LPAR1: variants seen among roughly 807,000 people sequenced by gnomAD.
The protein encoded by LPAR1 is lysophosphatidic acid receptor 1, also known as LPA receptor 1.
In LPAR1, 5 loss-of-function variants were observed where a neutral mutation model predicts 23.8. That is an observed-to-expected ratio of 0.21 (90% CI 0.11 to 0.44). The LOEUF (loss-of-function observed/expected upper bound fraction) is 0.44. Among genes scored for constraint, LPAR1 ranks in the 20% least tolerant of loss-of-function variants. The pLI is 0.99. For missense variants in LPAR1, 311 were observed against 482.8 expected (o/e 0.64, Z 3.33); for synonymous variants, 160 against 164.7 (o/e 0.97, Z 0.22).
In LPAR1 at chr9:110,889,158, G is replaced by A. The variant is rs531661857; in HGVS notation, c.794-13436C>T. 2.6e-5 allele frequency among the ~76,000 whole-genome samples: 4 copies of A among 152,234 alleles called. No homozygotes were observed. In the South Asian group the frequency reaches 8.3e-4, roughly 32 times the overall value. On this transcript the variant is annotated intron_variant, in intron 5 of 5. Transcript: ENST00000683809. ...GGGCAGATCACGAGGTCAGGAGATC[G>A]AGACCATCCTGGCTAACAAGGTGAA...
intron 4 of LPAR1, among the ~76,000 whole-genome samples, chr9:110,953,753 C>T (rs761745291): frequency 6.6e-6 from 1 of 151,858 alleles, no homozygotes; most frequent in Non-Finnish European, 1.5e-5. Context: ...TACTCAGAAT[C>T]AAAGCCAAAG....
chr9:111,016,292 A>G (rs16915663), intron 2 of LPAR1, among the ~76,000 whole-genome samples: 17,180 of 152,236 alleles, frequency 0.11, 1,441 homozygotes, highest in African/African-American at 0.24. Context: ...CCAACCAGGT[A>G]TCATAAATAC....
At chr9:110,964,347 A>G (rs768793008) in intron 4 of LPAR1, among the ~76,000 whole-genome samples, 5 of 152,226 alleles carry the variant, frequency 3.3e-5, no homozygotes, top group Non-Finnish European at 5.9e-5. Flanking sequence ...AAAGCAACTG[A>G]AGAAACCTGA....
intron 5 of LPAR1, among the ~76,000 whole-genome samples, chr9:110,876,961 A>G (rs1043720726): frequency 3.9e-5 from 6 of 152,212 alleles, no homozygotes; most frequent in African/African-American, 1.4e-4. Flanking sequence ...GGTGGGCACC[A>G]CTGTGTCCCA....
At chr9:110,964,122 T>C (rs2137561884) in intron 4 of LPAR1, among the ~76,000 whole-genome samples, 1 of 152,334 alleles carries the variant, frequency 6.6e-6, no homozygotes. Flanking sequence ...TCTGAAGCCT[T>C]CTGTGTGTCT....
chr9:110,953,200 T>A (rs533684048), intron 4 of LPAR1, among the ~76,000 whole-genome samples: 8 of 152,038 alleles, frequency 5.3e-5, no homozygotes, highest in Non-Finnish European at 1.0e-4. Flanking sequence ...GGCTCAAGAA[T>A]CAGCCTGCCT....
chr9:110,899,368 C>T (rs554735090), intron 5 of LPAR1, among the ~76,000 whole-genome samples: 1 of 152,178 alleles, frequency 6.6e-6, no homozygotes, highest in East Asian at 1.9e-4. Flanking sequence ...GAAGTTCATT[C>T]GATCCATAAA....
chr9:111,023,517 T>G (rs1007579525), intron 2 of LPAR1, among the ~76,000 whole-genome samples: 9 of 143,912 alleles, frequency 6.3e-5, no homozygotes, highest in South Asian at 2.1e-4. Flanking sequence ...CATTTGGATG[T>G]TTTTTTTTTT....
chr9:110,986,782 G>A (rs1424045938), intron 2 of LPAR1, among the ~76,000 whole-genome samples: 1 of 151,032 alleles, frequency 6.6e-6, no homozygotes, highest in East Asian at 1.9e-4. Context: ...ACAGCAGAGA[G>A]TTCTCTTAAC....
chr9:111,030,780 G>C (rs943086264), intron 2 of LPAR1, among the ~76,000 whole-genome samples: 2 of 152,126 alleles, frequency 1.3e-5, no homozygotes, highest in African/African-American at 4.8e-5. Flanking sequence ...GTGATGTCAT[G>C]CTGCACATGC....
intron 2 of LPAR1, among the ~76,000 whole-genome samples, chr9:110,992,990 A>G (rs2139754530): frequency 6.6e-6 from 1 of 152,328 alleles, no homozygotes; most frequent in Middle Eastern, 3.4e-3. Context: ...TATGTTATCA[A>G]TGAAAAAATT....
At chr9:110,966,627 AATTC>A in intron 4 of LPAR1, among the ~76,000 whole-genome samples, 1 of 152,136 alleles carries the variant, frequency 6.6e-6, no homozygotes, top group African/African-American at 2.4e-5. Flanking sequence ...AAATAATTTA[AATTC>A]AAATAAATAT....
intron 5 of LPAR1, among the ~76,000 whole-genome samples, chr9:110,896,954 A>C (rs1007928891): frequency 1.3e-5 from 2 of 151,722 alleles, no homozygotes; most frequent in African/African-American, 4.8e-5. Context: ...CGCCTGGCTA[A>C]TTTTTTGTAT....
chr9:110,944,061 G>T (rs1258300667), intron 4 of LPAR1, among the ~76,000 whole-genome samples: 4 of 152,056 alleles, frequency 2.6e-5, no homozygotes, highest in Admixed American at 2.6e-4. Context: ...TTAATGTGCT[G>T]TGCTCTCTCT....
Position 110,909,122 on chromosome 9 carries a change from T to A in LPAR1, c.793+32299A>T, listed in dbSNP as rs3824466. Among the ~76,000 whole-genome samples the A allele has an allele frequency of 0.032, 4,901 of 152,166 alleles. 923 individuals carry two copies. The East Asian group carries it at 0.57, about 18-fold the overall frequency. Reference sequence around the variant, plus strand: ...TCCTATTTCTTACACATTGTGACTATTTTTTTCCCTTCTATATAAACCCGT... The same window carrying A: ...TCCTATTTCTTACACATTGTGACTAATTTTTTCCCTTCTATATAAACCCGT... On this transcript the variant is annotated intron_variant, in intron 5 of 5. Transcript: ENST00000683809.
chr9:110,985,559 G>A (rs902957672), intron 2 of LPAR1, among the ~76,000 whole-genome samples: 5 of 152,012 alleles, frequency 3.3e-5, no homozygotes, highest in Admixed American at 3.3e-4. Context: ...ATCAGGTCAT[G>A]ATGGGCCAGG....
intron 5 of LPAR1, among the ~76,000 whole-genome samples, chr9:110,886,173 G>T (rs988377346): frequency 6.9e-6 from 1 of 144,000 alleles, no homozygotes; most frequent in Non-Finnish European, 1.5e-5. Flanking sequence ...ACTCCAGCCG[G>T]AGCAACAAGA....
At chr9:110,898,626 A>C (rs892240140) in intron 5 of LPAR1, among the ~76,000 whole-genome samples, 1 of 152,242 alleles carries the variant, frequency 6.6e-6, no homozygotes, top group African/African-American at 2.4e-5. Flanking sequence ...GTTTAAAAGC[A>C]AGCCTCCAAT....
intron 2 of LPAR1, among the ~76,000 whole-genome samples, chr9:111,003,640 A>T (rs1239399437): frequency 1.3e-5 from 2 of 152,158 alleles, no homozygotes; most frequent in African/African-American, 2.4e-5. Flanking sequence ...GGGACTAAAA[A>T]GTGGTGGCTG....
Sources: allele counts gnomAD v4.1 joint callset (sites outside exome capture counted in the v4.1 genomes callset), GRCh38; gene constraint gnomAD v4.1.1; transcripts MANE v1.5; gene names NCBI Gene and HGNC (gene_info 2026-07-23, HGNC 2026-07-21).